The following ABCB4 variants were observed in gnomAD, a reference collection of about 807,000 sequenced individuals.
ABCB4 encodes the protein phosphatidylcholine translocator ABCB4.
Under a neutral mutation model 145.7 loss-of-function variants are expected in ABCB4, and 76 were observed. The ratio of observed to expected loss-of-function variants is 0.52; its 90% CI spans 0.43 to 0.63. The LOEUF is 0.63. Ranked by LOEUF, ABCB4 falls within the 30% of genes least tolerant of loss-of-function variation. The pLI is 0.00. For synonymous variants in ABCB4, 517 were observed against 566.8 expected (o/e 0.91, Z 1.25); for missense variants, 1,234 against 1,553.1 (o/e 0.79, Z 3.45).
intron 7 of ABCB4, 36 bp downstream of exon 7, chr7:87,451,587 G>A (rs1811733720): frequency 6.2e-7 from 1 of 1,609,302 alleles, no homozygotes; most frequent in Non-Finnish European, 8.5e-7. Context: ...TGTGTGCAGG[G>A]GTTAACACAC....
At chr7:87,444,597 C>T (rs955492670) in intron 10 of ABCB4, among the ~76,000 whole-genome samples, 1 of 151,976 alleles carries the variant, frequency 6.6e-6, no homozygotes, top group Non-Finnish European at 1.5e-5. Context: ...GGAAGAGAAA[C>T]GTCTTTGCTC....
At chr7:87,447,406 G>A (rs1811424236) in intron 8 of ABCB4, among the ~76,000 whole-genome samples, 1 of 152,154 alleles carries the variant, frequency 6.6e-6, no homozygotes, top group African/African-American at 2.4e-5. Context: ...TCTCTTTACT[G>A]GCCCGGTTCC....
downstream of ABCB4, among the ~76,000 whole-genome samples, chr7:87,401,212 T>G (rs1023121393): frequency 6.6e-6 from 1 of 152,252 alleles, no homozygotes; most frequent in Non-Finnish European, 1.5e-5. Flanking sequence ...AGAAGAACTT[T>G]GGATGATTTA....
At chr7:87,369,138 G>A in the ABCB4 span, among the ~76,000 whole-genome samples, 1 of 151,952 alleles carries the variant, frequency 6.6e-6, no homozygotes, top group Non-Finnish European at 1.5e-5. Flanking sequence ...TGGTTTTCAG[G>A]GTATTTGAAA....
the ABCB4 span, among the ~76,000 whole-genome samples, chr7:87,386,617 T>C: frequency 8.6e-3 from 1,311 of 152,278 alleles, 32 homozygotes; most frequent in African/African-American, 0.03. Flanking sequence ...TTGGAGCTCT[T>C]GTAAAAGTTC....
the ABCB4 span, among the ~76,000 whole-genome samples, chr7:87,385,627 G>C: frequency 6.6e-6 from 1 of 152,108 alleles, no homozygotes; most frequent in African/African-American, 2.4e-5. Context: ...TCTGCAGACA[G>C]GACAATTTGA....
At position 87,475,499 on chromosome 7, in the gene ABCB4, A is replaced by C. The variant is rs373480624; in HGVS notation, c.-6-28T>G. The C allele has an allele frequency of 3.1e-6, 5 of 1,612,204 alleles. No individual in the cohort carries two copies. The African/African-American group carries it at 5.3e-5, about 17-fold the overall frequency. Reference sequence around the variant, plus strand: ...GAGGAGAAACCACAGCCTCAGAACCAAGTACACCCTCTCCGGCGGCCCGGC... The same window carrying C: ...GAGGAGAAACCACAGCCTCAGAACCCAGTACACCCTCTCCGGCGGCCCGGC... On this transcript the variant is annotated intron_variant, in intron 1 of 27. Coordinates refer to ENST00000649586, the MANE Select transcript of ABCB4 (RefSeq NM_000443.4).
At position 87,426,944 on chromosome 7, in the gene ABCB4, AGTGTGTGTGTGTGTGTGTGTGTGTGT is replaced by A. The variant is rs10647775; in HGVS notation, c.1894-50_1894-25del. On this transcript the variant is annotated intron_variant, in intron 15 of 27. Transcript: ENST00000649586. ...GTCTGAAAGAATATCAAGACATTAA[AGTGTGTGTGTGTGTGTGTGTGTGTGT>A]GTGTGTGTGTCTCCAAATGGATGTA... is the stretch of plus-strand genomic sequence containing the variant. 6.8e-6 allele frequency: 7 copies of A among 1,033,080 alleles called. 1 individual carries two copies. In the South Asian group the frequency reaches 9.5e-5, roughly 14 times the overall value. 64.0% of individuals were successfully genotyped at this position (1,033,080 alleles called of 1,614,324 possible). A position where few individuals can be genotyped will look rare whatever the true frequency, so the allele number is the denominator to read the frequency against.
chr7:87,466,390 G>C (rs935158891), intron 3 of ABCB4, among the ~76,000 whole-genome samples: 1 of 152,166 alleles, frequency 6.6e-6, no homozygotes, highest in Non-Finnish European at 1.5e-5. Context: ...CAAGAAATAT[G>C]GGACTATGTG....
At chr7:87,464,745 A>C (rs1010359755) in intron 3 of ABCB4, among the ~76,000 whole-genome samples, 1 of 152,212 alleles carries the variant, frequency 6.6e-6, no homozygotes, top group Non-Finnish European at 1.5e-5. Context: ...ATCTAGTAAG[A>C]GGTGAAAATA....
intron 2 of ABCB4, among the ~76,000 whole-genome samples, chr7:87,474,662 A>G (rs955783540): frequency 2.6e-5 from 4 of 152,198 alleles, no homozygotes; most frequent in African/African-American, 7.2e-5. Context: ...ATGATTCACT[A>G]TTCCCACAGT....
At chr7:87,369,547 A>T in the ABCB4 span, 1 of 1,004,090 alleles carries the variant, frequency 1.0e-6, no homozygotes, top group South Asian at 2.1e-5. Context: ...TAAAATATAC[A>T]TGTTTAGAAT....
At chr7:87,376,633 A>AT in the ABCB4 span, among the ~76,000 whole-genome samples, 6,617 of 143,100 alleles carry the variant, frequency 0.046, 425 homozygotes, top group African/African-American at 0.15. Flanking sequence ...AAGGAGAGAG[A>AT]TTTTTTTTTT....
chr7:87,406,359 C>G lies in ABCB4; in HGVS notation c.3415G>C (p.Val1139Leu). Residue 1139 changes from valine (V) to leucine (L), a missense_variant, in exon 26 of 28, where the codon GTA becomes CTA. Transcript: ENST00000649586. ...GCACTCACAATTTCATCCTGTGATA[C>G]AACCCGGCTGTTGTCTCCATAGGCA... The part of the protein sequence containing the change: ...NIAYGDNSRV[V>L]SQDEIVSAAK... The G allele has an allele frequency of 6.2e-7, 1 of 1,614,134 alleles. No homozygotes were observed. Among genetic ancestry groups the G allele is most frequent in the South Asian group, 1.1e-5 (1 of 91,082 alleles).
At chr7:87,433,936 CT>C (rs113879800) in intron 14 of ABCB4, among the ~76,000 whole-genome samples, 195 of 141,464 alleles carry the variant, frequency 1.4e-3, no homozygotes, top group Admixed American at 1.6e-3. Flanking sequence ...CGTTTTCATT[CT>C]TTTTTTTTTT....
the ABCB4 span, chr7:87,391,470 C>A: frequency 3.3e-6 from 3 of 911,650 alleles, no homozygotes; most frequent in Non-Finnish European, 3.2e-6. Context: ...AAGTCTCCAA[C>A]CTATCTGTGT....
At chr7:87,446,027 G>A (rs933958077) in intron 9 of ABCB4, among the ~76,000 whole-genome samples, 1 of 152,188 alleles carries the variant, frequency 6.6e-6, no homozygotes, top group Non-Finnish European at 1.5e-5. Context: ...AATAGTAAAT[G>A]AGGAAGTGAA....
intron 14 of ABCB4, among the ~76,000 whole-genome samples, chr7:87,432,998 T>C (rs1297391879): frequency 6.6e-6 from 1 of 152,098 alleles, no homozygotes; most frequent in East Asian, 1.9e-4. Flanking sequence ...TAGTAAAACC[T>C]AGGAAAAACC....
In ABCB4 at chr7:87,416,657, T is replaced by C. The variant is rs534156338; in HGVS notation, c.2682+655A>G. 2.3e-3 allele frequency among the ~76,000 whole-genome samples: 347 copies of C among 152,336 alleles called. 2 individuals carry two copies. Among genetic ancestry groups the C allele is most frequent in the Non-Finnish European group, 3.9e-3 (266 of 68,034 alleles). ...GAGGTAAGAGCTTTGAAACTAGACC[T>C]GAACTTAAATCCCAGCCAAATCTCT... On this transcript the variant is annotated intron_variant, in intron 21 of 27. Coordinates refer to ENST00000649586, the MANE Select transcript of ABCB4 (RefSeq NM_000443.4).
Sources: allele counts gnomAD v4.1 joint callset (sites outside exome capture counted in the v4.1 genomes callset), GRCh38; gene constraint gnomAD v4.1.1; transcripts MANE v1.5; gene names NCBI Gene and HGNC (gene_info 2026-07-23, HGNC 2026-07-21).